The following PPP1R12B variants were observed in gnomAD, a reference collection of about 807,000 sequenced individuals.
PPP1R12B encodes the protein myosin phosphatase target subunit 2.
Under a neutral mutation model 126.1 loss-of-function variants are expected in PPP1R12B, and 76 were observed. The ratio of observed to expected loss-of-function variants is 0.60; its 90% CI spans 0.50 to 0.73. PPP1R12B has a LOEUF of 0.73. Ranked by LOEUF, PPP1R12B falls within the 30% of genes least tolerant of loss-of-function variation. The pLI is 0.00. For synonymous variants in PPP1R12B, 356 were observed against 434.7 expected, an observed-to-expected ratio of 0.82 and a Z score of 2.25; for missense variants, 1,052 against 1,205.1, an observed-to-expected ratio of 0.87 and a Z score of 1.88.
intron 23 of PPP1R12B, among the ~76,000 whole-genome samples, chr1:202,578,828 G>A (rs1361257038): frequency 1.3e-5 from 2 of 152,210 alleles, no homozygotes; most frequent in Non-Finnish European, 2.9e-5. Context: ...GAAGGCGAGT[G>A]ATCTGCCTAA....
Position 202,407,241 on chromosome 1 carries a change from G to A in PPP1R12B, c.292-9546G>A, listed in dbSNP as rs530030648. 2.5e-3 allele frequency among the ~76,000 whole-genome samples: 381 copies of A among 152,144 alleles called. 2 individuals are homozygous for A. Among genetic ancestry groups the A allele is most frequent in the African/African-American group, 8.8e-3 (367 of 41,516 alleles). The stretch of plus-strand genomic sequence containing the variant: ...GAGGGAAACATTATTTGAAGCGAAG[G>A]GCTTATTAGAATCCAAATTGAACAC... On this transcript the variant is annotated intron_variant, in intron 1 of 23. Coordinates refer to ENST00000608999, the MANE Select transcript of PPP1R12B (RefSeq NM_002481.4).
Position 202,425,811 on chromosome 1 carries a change from G to A in PPP1R12B, c.701+86G>A, listed in dbSNP as rs561312372. 51 of 1,304,500 alleles carry A rather than the reference G, an allele frequency of 3.9e-5. 1 individual carries two copies. Among genetic ancestry groups the A allele is most frequent in the African/African-American group, 1.6e-4 (11 of 67,314 alleles). The allele number at this position is 1,304,500 out of a possible 1,614,324, so 80.8% of individuals were successfully genotyped here. On this transcript the variant is annotated intron_variant, in intron 4 of 23. Coordinates refer to ENST00000608999, the MANE Select transcript of PPP1R12B (RefSeq NM_002481.4). ...AAGCAGAGGCTGAATTAGATTTTCC[G>A]CTATGACGTGTTTCCTTTTTTGTTG...
intron 18 of PPP1R12B, 93 bp downstream of exon 18, chr1:202,496,915 A>G: frequency 3.9e-6 from 5 of 1,287,274 alleles, no homozygotes; most frequent in South Asian, 2.6e-5. Flanking sequence ...CTTAATGCAG[A>G]TTTTAGTTGA....
At chr1:202,516,984 C>T (rs1682223404) in intron 18 of PPP1R12B, among the ~76,000 whole-genome samples, 1 of 152,160 alleles carries the variant, frequency 6.6e-6, no homozygotes, top group South Asian at 2.1e-4. Flanking sequence ...TACATTTTTT[C>T]TCTGAATATG....
At chr1:202,439,512 A>C in intron 10 of PPP1R12B, 1 of 1,534,690 alleles carries the variant, frequency 6.5e-7, no homozygotes, top group Non-Finnish European at 8.9e-7. Flanking sequence ...GTTTGGGGCG[A>C]CTGCTGTTGC....
At chr1:202,441,681 T>C (rs945820322) in intron 11 of PPP1R12B, among the ~76,000 whole-genome samples, 3 of 152,158 alleles carry the variant, frequency 2.0e-5, no homozygotes, top group African/African-American at 7.2e-5. Flanking sequence ...TACAGCACTT[T>C]CCTGGATACC....
intron 10 of PPP1R12B, chr1:202,439,198 C>A: frequency 6.7e-7 from 1 of 1,491,424 alleles, no homozygotes; most frequent in Non-Finnish European, 9.4e-7. Flanking sequence ...ACCACTACTG[C>A]GCAGCCCTGT....
chr1:202,569,690 A>T (rs1419860957), intron 23 of PPP1R12B, among the ~76,000 whole-genome samples: 2 of 152,198 alleles, frequency 1.3e-5, no homozygotes, highest in Non-Finnish European at 2.9e-5. Flanking sequence ...GTATTCACAT[A>T]TTGATTTCCT....
chr1:202,349,239 C>T (rs1370527360), intron 1 of PPP1R12B, 97 bp downstream of exon 1: 3 of 1,420,072 alleles, frequency 2.1e-6, no homozygotes, highest in Admixed American at 2.4e-5. Context: ...TTGCCGCCGA[C>T]TCCTTCTGCA....
At chr1:202,478,302 T>C (rs1572203383) in intron 13 of PPP1R12B, among the ~76,000 whole-genome samples, 2 of 152,354 alleles carry the variant, frequency 1.3e-5, no homozygotes, top group East Asian at 1.9e-4. Context: ...CCCAAGATCA[T>C]AGTTTGCTGA....
At chr1:202,370,594 T>C (rs1294137094) in intron 1 of PPP1R12B, among the ~76,000 whole-genome samples, 2 of 152,162 alleles carry the variant, frequency 1.3e-5, no homozygotes, top group African/African-American at 4.8e-5. Context: ...TGGAGTGCAG[T>C]GGCACGATCT....
rs759211528 is a variant in PPP1R12B at position 202,508,726 on chromosome 1, C to G, written c.2490+11904C>G. On this transcript the variant is annotated intron_variant, in intron 18 of 23. Transcript: ENST00000608999. The surrounding 1 kb of genome is among the most constrained non-coding windows in gnomAD (Gnocchi z 4.5). ...TCATTTCTCGAAATGTCTGGTATAG[C>G]TACTACTTGCTGGCTGTTGTGAAGA... is the stretch of plus-strand genomic sequence containing the variant. Among the ~76,000 whole-genome samples the G allele has an allele frequency of 7.2e-5, 11 of 152,316 alleles. No individual in the cohort carries two copies. Among genetic ancestry groups the G allele is most frequent in the Non-Finnish European group, 1.6e-4 (11 of 68,040 alleles).
intron 18 of PPP1R12B, among the ~76,000 whole-genome samples, chr1:202,510,699 T>C (rs1681363913): frequency 6.6e-6 from 1 of 152,046 alleles, no homozygotes; most frequent in Non-Finnish European, 1.5e-5. Flanking sequence ...TCAGTCAACA[T>C]ATATTTATTG....
intron 23 of PPP1R12B, chr1:202,575,669 G>A (rs557743141): frequency 1.3e-5 from 2 of 152,492 alleles, no homozygotes; most frequent in Admixed American, 1.3e-4. Context: ...ATACCTATGG[G>A]TATATTTTAA....
intron 18 of PPP1R12B, among the ~76,000 whole-genome samples, chr1:202,537,781 C>T (rs757751584): frequency 3.4e-4 from 52 of 152,142 alleles, no homozygotes; most frequent in Non-Finnish European, 4.7e-4. Context: ...TTTCATTCAA[C>T]ATATCAAAAA....
At chr1:202,567,476 G>T in intron 21 of PPP1R12B, 3 of 291,790 alleles carry the variant, frequency 1.0e-5, no homozygotes, top group Admixed American at 9.4e-5. Flanking sequence ...AATTAGCATT[G>T]AAGACCTGTG....
At chr1:202,396,673 G>GC (rs1466054455) in intron 1 of PPP1R12B, among the ~76,000 whole-genome samples, 2 of 152,146 alleles carry the variant, frequency 1.3e-5, no homozygotes, top group Non-Finnish European at 2.9e-5. Flanking sequence ...GTGTCGCACT[G>GC]CAAGGCTTGG....
chr1:202,354,883 TG>T (rs1406265437), intron 1 of PPP1R12B, among the ~76,000 whole-genome samples: 1 of 148,558 alleles, frequency 6.7e-6, no homozygotes, highest in African/African-American at 2.5e-5. Context: ...TGGAGTGCAG[TG>T]GTGTGATCTC....
rs58824156 is a variant in PPP1R12B at position 202,446,240 on chromosome 1, A to C, written c.1668-2749A>C. On this transcript the variant is annotated intron_variant, in intron 12 of 23. Coordinates refer to ENST00000608999, the MANE Select transcript of PPP1R12B (RefSeq NM_002481.4). ...TCTCTCTCTCTCTCTCTCTCTCTAT[A>C]TATATATATATATATATTTTTTTTT... Among the ~76,000 whole-genome samples, 182 of 55,570 alleles carry C rather than the reference A, an allele frequency of 3.3e-3. 6 individuals are homozygous for C. The East Asian group carries it at 0.089, about 27-fold the overall frequency. The allele number at this position is 55,570 out of a possible 152,430, so 36.5% of individuals were successfully genotyped here.
Sources: allele counts gnomAD v4.1 joint callset (sites outside exome capture counted in the v4.1 genomes callset), GRCh38; gene constraint gnomAD v4.1.1; non-coding constraint Gnocchi (gnomAD v3.1); transcripts MANE v1.5; gene names NCBI Gene and HGNC (gene_info 2026-07-23, HGNC 2026-07-21).